The following GRID2 variants were observed in gnomAD, a reference collection of about 807,000 sequenced individuals.
GRID2 encodes glutamate ionotropic receptor delta type subunit 2, also known as glutamate receptor ionotropic, delta-2.
GRID2 carries 33 observed loss-of-function variants against 114.8 expected under a neutral mutation model. The observed-to-expected ratio is 0.29, with a 90% confidence interval of 0.22 to 0.38. The LOEUF is 0.38. Among genes scored for constraint, GRID2 ranks in the 10% least tolerant of loss-of-function variants. The pLI, the probability that GRID2 is intolerant of heterozygous loss-of-function variation, is 1.00. For synonymous variants in GRID2, 505 were observed against 449.9 expected (o/e 1.12, Z -1.55); for missense variants, 1,184 against 1,257.7 (o/e 0.94, Z 0.89).
At chr4:92,772,795 A>G (rs1239242958) in intron 2 of GRID2, among the ~76,000 whole-genome samples, 2 of 152,126 alleles carry the variant, frequency 1.3e-5, no homozygotes, top group African/African-American at 4.8e-5. Context: ...GCAAAAACCC[A>G]TGTTACTGTT....
chr4:93,295,947 C>T (rs1396981358), intron 8 of GRID2, among the ~76,000 whole-genome samples: 1 of 152,180 alleles, frequency 6.6e-6, no homozygotes, highest in African/African-American at 2.4e-5. Flanking sequence ...AATTTGACTA[C>T]AGCAGATTTT....
chr4:93,738,415 C>T (rs1347932964), intron 14 of GRID2, among the ~76,000 whole-genome samples: 1 of 152,092 alleles, frequency 6.6e-6, no homozygotes, highest in African/African-American at 2.4e-5. Context: ...ATCTGTTAAC[C>T]ACATAAAAGA....
chr4:92,874,264 C>T (rs1173639042), intron 2 of GRID2, among the ~76,000 whole-genome samples: 4 of 152,098 alleles, frequency 2.6e-5, no homozygotes, highest in South Asian at 2.1e-4. Context: ...AATGTTGTAG[C>T]GTCTTCCAAT....
At chr4:92,309,563 A>T (rs544260691) in intron 1 of GRID2, among the ~76,000 whole-genome samples, 1 of 151,894 alleles carries the variant, frequency 6.6e-6, no homozygotes, top group Non-Finnish European at 1.5e-5. Context: ...AAATATTTTT[A>T]AAAATCTCAG....
At chr4:93,673,299 A>G (rs1724587099) in intron 14 of GRID2, among the ~76,000 whole-genome samples, 1 of 152,198 alleles carries the variant, frequency 6.6e-6, no homozygotes, top group African/African-American at 2.4e-5. Flanking sequence ...AAGTGGAAAA[A>G]TCTACTGTAA....
chr4:93,057,917 C>T (rs971243955), intron 2 of GRID2, among the ~76,000 whole-genome samples: 17 of 151,872 alleles, frequency 1.1e-4, no homozygotes, highest in African/African-American at 3.9e-4. Context: ...TTACTCAATT[C>T]GTCATTCCCC....
At chr4:92,724,304 C>T (rs1735954134) in intron 2 of GRID2, among the ~76,000 whole-genome samples, 1 of 152,100 alleles carries the variant, frequency 6.6e-6, no homozygotes, top group South Asian at 2.1e-4. Context: ...CTTTCCCATC[C>T]TTCAGCGTCC....
intron 4 of GRID2, among the ~76,000 whole-genome samples, chr4:93,187,540 T>A (rs1740551673): frequency 6.6e-6 from 1 of 152,114 alleles, no homozygotes; most frequent in Admixed American, 6.6e-5. Flanking sequence ...GGCCTCCCAA[T>A]GTGTTAGCAT....
chr4:93,497,033 T>A (rs1727619486), intron 12 of GRID2, among the ~76,000 whole-genome samples: 1 of 151,784 alleles, frequency 6.6e-6, no homozygotes, highest in African/African-American at 2.4e-5. Flanking sequence ...TGCATCTGTG[T>A]CAGCATTTGG....
At chr4:92,635,371 C>T (rs1731019034) in intron 2 of GRID2, among the ~76,000 whole-genome samples, 2 of 152,020 alleles carry the variant, frequency 1.3e-5, no homozygotes, top group African/African-American at 2.4e-5. Context: ...GATATATTTG[C>T]TGTATCTTCT....
At chr4:93,524,523 TAA>T (rs1730640142) in intron 13 of GRID2, among the ~76,000 whole-genome samples, 1 of 151,926 alleles carries the variant, frequency 6.6e-6, no homozygotes, top group Non-Finnish European at 1.5e-5. Flanking sequence ...AAATTATTAT[TAA>T]GACTTATTTT....
intron 13 of GRID2, among the ~76,000 whole-genome samples, chr4:93,537,953 GT>G (rs1732262584): frequency 6.6e-6 from 1 of 151,446 alleles, no homozygotes; most frequent in African/African-American, 2.4e-5. Context: ...TAATTTCTAG[GT>G]AAGGCTACAT....
At chr4:92,875,712 A>G (rs1317106206) in intron 2 of GRID2, among the ~76,000 whole-genome samples, 1 of 152,184 alleles carries the variant, frequency 6.6e-6, no homozygotes, top group Non-Finnish European at 1.5e-5. Context: ...TATTGTATAG[A>G]TGAGGGAACT....
chr4:93,600,958 G>C (rs1382967617), intron 13 of GRID2, among the ~76,000 whole-genome samples: 1 of 152,172 alleles, frequency 6.6e-6, no homozygotes, highest in Non-Finnish European at 1.5e-5. Flanking sequence ...AAGCTCAAGA[G>C]CCAGCAAAAC....
chr4:92,805,889 G>C (rs1740387599), intron 2 of GRID2, among the ~76,000 whole-genome samples: 1 of 151,670 alleles, frequency 6.6e-6, no homozygotes, highest in Admixed American at 6.6e-5. Context: ...CAAGAGTTCA[G>C]ATTATCTCTT....
At chr4:93,534,252 T>C (rs1731798410) in intron 13 of GRID2, among the ~76,000 whole-genome samples, 1 of 152,192 alleles carries the variant, frequency 6.6e-6, no homozygotes, top group African/African-American at 2.4e-5. Flanking sequence ...CACTTACTAA[T>C]ATATAATTTA....
chr4:93,006,380 G>T (rs1382604984), intron 2 of GRID2, among the ~76,000 whole-genome samples: 3 of 151,964 alleles, frequency 2.0e-5, no homozygotes, highest in African/African-American at 7.2e-5. Context: ...GAATCCCATA[G>T]TGATACTGAG....
chr4:92,946,588 C>T (rs1276564250), intron 2 of GRID2, among the ~76,000 whole-genome samples: 1 of 152,040 alleles, frequency 6.6e-6, no homozygotes, highest in African/African-American at 2.4e-5. Flanking sequence ...ACTATGCAAA[C>T]TCTACTGCAT....
chr4:92,944,350 C>T lies in GRID2; in HGVS notation c.245-140645C>T, dbSNP rs141219251. On this transcript the variant is annotated intron_variant, in intron 2 of 15. Coordinates refer to ENST00000282020, the MANE Select transcript of GRID2 (RefSeq NM_001510.4). ...GCTGTGCTAGCAATGAGTGAGGCTCCGTGGGCATAGGACCCTCTGAGCCAG... is the reference window on the plus strand; with the variant it reads ...GCTGTGCTAGCAATGAGTGAGGCTCTGTGGGCATAGGACCCTCTGAGCCAG... Among the ~76,000 whole-genome samples the T allele has an allele frequency of 8.0e-3, 1,212 of 152,278 alleles. 25 individuals carry two copies. The highest frequency in any genetic ancestry group is 0.028 in the African/African-American group (1,156 of 41,544).
Sources: allele counts gnomAD v4.1 joint callset (sites outside exome capture counted in the v4.1 genomes callset), GRCh38; gene constraint gnomAD v4.1.1; transcripts MANE v1.5; gene names NCBI Gene and HGNC (gene_info 2026-07-23, HGNC 2026-07-21).